The following GRK5 variants were observed in gnomAD, a reference collection of about 807,000 sequenced individuals.
GRK5 encodes G protein-coupled receptor kinase 5, also known as g protein-coupled receptor kinase GRK5.
GRK5 carries 40 observed loss-of-function variants against 78.4 expected under a neutral mutation model. The ratio of observed to expected loss-of-function variants is 0.51; its 90% CI spans 0.40 to 0.66. The LOEUF (loss-of-function observed/expected upper bound fraction) is 0.66, where lower values mean the gene tolerates loss of function less well. Ranked by LOEUF, GRK5 falls within the 30% of genes least tolerant of loss-of-function variation. GRK5 has a pLI of 0.00. For missense variants in GRK5, 598 were observed against 759.9 expected (o/e 0.79, Z 2.50); for synonymous variants, 289 against 296.8 (o/e 0.97, Z 0.27).
intron 1 of GRK5, among the ~76,000 whole-genome samples, chr10:119,240,189 CTT>C (rs55905745): frequency 6.3e-3 from 438 of 69,940 alleles, no homozygotes; most frequent in African/African-American, 0.025. Context: ...TGTTTCCCGA[CTT>C]TTTTTTTTTT....
At chr10:119,316,567 T>G (rs1304728640) in intron 1 of GRK5, among the ~76,000 whole-genome samples, 1 of 152,108 alleles carries the variant, frequency 6.6e-6, no homozygotes, top group African/African-American at 2.4e-5. Context: ...AGCTCTCAGG[T>G]TGGATAATTC....
At chr10:119,249,139 C>T (rs1005288745) in intron 1 of GRK5, among the ~76,000 whole-genome samples, 4 of 151,964 alleles carry the variant, frequency 2.6e-5, no homozygotes, top group African/African-American at 7.3e-5. Context: ...GGCATGGTGG[C>T]GGGTGCCTGT....
intron 2 of GRK5, among the ~76,000 whole-genome samples, chr10:119,347,681 T>TA (rs1851120246): frequency 6.6e-6 from 1 of 152,246 alleles, no homozygotes; most frequent in Non-Finnish European, 1.5e-5. Context: ...AGTCCCCACT[T>TA]ACCAGCCCTG....
intron 2 of GRK5, among the ~76,000 whole-genome samples, chr10:119,342,904 C>T (rs564824463): frequency 9.2e-5 from 14 of 152,306 alleles, no homozygotes; most frequent in African/African-American, 2.6e-4. Context: ...CACCCCCCAA[C>T]GCCCTCATCT....
chr10:119,242,449 CT>C lies in GRK5; in HGVS notation c.52+34482del, dbSNP rs1269769648. On this transcript the variant is annotated intron_variant, in intron 1 of 15. Coordinates refer to ENST00000392870, the MANE Select transcript of GRK5 (RefSeq NM_005308.3). ...TGGTGCCTGCCTGGCCACACCTGAG[CT>C]TGTCAGTGAGCTGGGTACCTGACTG... 2.0e-5 allele frequency among the ~76,000 whole-genome samples: 3 copies of C among 151,036 alleles called. No individual in the cohort carries two copies. In the East Asian group the frequency reaches 5.8e-4, roughly 29 times the overall value.
At chr10:119,218,629 A>G (rs904612784) in intron 1 of GRK5, among the ~76,000 whole-genome samples, 1 of 152,166 alleles carries the variant, frequency 6.6e-6, no homozygotes, top group African/African-American at 2.4e-5. Context: ...AGGAACTCCT[A>G]GCTCTAGGAA....
At position 119,207,637 on chromosome 10, in the gene GRK5, C is replaced by A. The variant is rs1475818388; in HGVS notation, c.-281C>A. The A allele has an allele frequency of 1.4e-5, 4 of 285,656 alleles. No homozygotes were observed. The highest frequency in any genetic ancestry group is 9.4e-4 in the Middle Eastern group (1 of 1,060). The allele number at this position is 285,656 out of a possible 1,614,324, so 17.7% of individuals were successfully genotyped here. ...GGAGGAGAATGGAGTGACAGAGACA[C>A]GCGGAGGGTGGGGGGTGGGGGGGAG... On this transcript the variant is annotated 5_prime_UTR_variant, in exon 1 of 16. Coordinates refer to ENST00000392870, the MANE Select transcript of GRK5 (RefSeq NM_005308.3).
intron 9 of GRK5, among the ~76,000 whole-genome samples, chr10:119,438,269 G>A (rs777162074): frequency 2.6e-5 from 4 of 152,128 alleles, no homozygotes; most frequent in Non-Finnish European, 5.9e-5. Flanking sequence ...TTGAGAAAGG[G>A]CAGATGGGAG....
intron 1 of GRK5, among the ~76,000 whole-genome samples, chr10:119,285,108 C>A (rs539429005): frequency 6.6e-6 from 1 of 152,150 alleles, no homozygotes; most frequent in Non-Finnish European, 1.5e-5. Flanking sequence ...TCTCAGGGCT[C>A]ATGTCTAGAG....
Position 119,374,029 on chromosome 10 carries a change from AGGGG to A in GRK5, c.149-6784_149-6781del, listed in dbSNP as rs1331733310. Among the ~76,000 whole-genome samples, 10 of 152,206 alleles carry A rather than the reference AGGGG, an allele frequency of 6.6e-5. No individual in the cohort carries two copies. The South Asian group carries it at 2.1e-3, about 32-fold the overall frequency. On this transcript the variant is annotated intron_variant, in intron 2 of 15. Coordinates refer to ENST00000392870, the MANE Select transcript of GRK5 (RefSeq NM_005308.3). ...GTTTGCCTACCCTTGCCTTAGAACC[AGGGG>A]GTGAGATGCGAGATCAGGAATCCCT...
intron 12 of GRK5, among the ~76,000 whole-genome samples, chr10:119,444,079 C>T (rs1414776447): frequency 6.6e-6 from 1 of 152,136 alleles, no homozygotes; most frequent in Non-Finnish European, 1.5e-5. Context: ...TGAGCTGGTG[C>T]CCCAGACACA....
chr10:119,237,850 T>C (rs981472377), intron 1 of GRK5, among the ~76,000 whole-genome samples: 2 of 152,188 alleles, frequency 1.3e-5, no homozygotes, highest in Non-Finnish European at 2.9e-5. Context: ...GCTTGAATGA[T>C]GCTGTTTACA....
In GRK5 at chr10:119,271,072, T is replaced by A. The variant is rs1166757441; in HGVS notation, c.53-55444T>A. Among the ~76,000 whole-genome samples the A allele has an allele frequency of 6.6e-6, 1 of 152,220 alleles. No individual in the cohort carries two copies. The highest frequency in any genetic ancestry group is 2.4e-5 in the African/African-American group (1 of 41,452). On this transcript the variant is annotated intron_variant, in intron 1 of 15. Transcript: ENST00000392870. The surrounding 1 kb of genome is among the most constrained non-coding windows in gnomAD (Gnocchi z 4.1). ...GTTAATAATAATAACAGGACCCGCCTAGAAGTGACTGAATAGCAGACCGGG... is the reference window on the plus strand; with the variant it reads ...GTTAATAATAATAACAGGACCCGCCAAGAAGTGACTGAATAGCAGACCGGG...
intron 3 of GRK5, among the ~76,000 whole-genome samples, chr10:119,394,099 C>CTG (rs1851936000): frequency 3.3e-5 from 2 of 59,912 alleles, no homozygotes; most frequent in African/African-American, 7.3e-5. Flanking sequence ...CTGTGTGTGT[C>CTG]TGCGTCTGTG....
intron 8 of GRK5, among the ~76,000 whole-genome samples, chr10:119,434,725 T>C (rs1233748113): frequency 6.6e-6 from 1 of 152,200 alleles, no homozygotes; most frequent in Non-Finnish European, 1.5e-5. Flanking sequence ...AAGCTGTCAG[T>C]GGATCTACCA....
chr10:119,317,352 GT>G (rs1850506329), intron 1 of GRK5, among the ~76,000 whole-genome samples: 4 of 79,476 alleles, frequency 5.0e-5, no homozygotes, highest in African/African-American at 2.0e-4. Flanking sequence ...AGATGGGTGT[GT>G]GTGTGTGTGT....
chr10:119,300,595 A>C (rs1460396056), intron 1 of GRK5, among the ~76,000 whole-genome samples: 1 of 152,242 alleles, frequency 6.6e-6, no homozygotes, highest in Non-Finnish European at 1.5e-5. Flanking sequence ...GGGACAGAGA[A>C]TAAGGTTCAC....
intron 1 of GRK5, among the ~76,000 whole-genome samples, chr10:119,261,197 C>T (rs577587252): frequency 0.022 from 3,270 of 150,116 alleles, 63 homozygotes; most frequent in Non-Finnish European, 0.033. Flanking sequence ...GGCTGCCGGG[C>T]GGAGGGTCTC....
At chr10:119,307,212 T>A (rs2133731491) in intron 1 of GRK5, among the ~76,000 whole-genome samples, 1 of 152,184 alleles carries the variant, frequency 6.6e-6, no homozygotes, top group East Asian at 1.9e-4. Context: ...GTCACACAGC[T>A]AGTAAATTAC....
Sources: gnomAD v4.1 joint callset for allele counts (sites outside exome capture counted in the v4.1 genomes callset) on GRCh38, gnomAD v4.1.1 for gene constraint, Gnocchi (gnomAD v3.1) non-coding constraint, MANE v1.5 for transcripts, NCBI Gene and HGNC (gene_info 2026-07-23, HGNC 2026-07-21) for gene names.